The following CMIP variants were observed in gnomAD, a reference collection of about 807,000 sequenced individuals.
CMIP encodes the protein C-Maf-inducing protein.
In CMIP, 13 loss-of-function variants were observed where a neutral mutation model predicts 97.3. That is an observed-to-expected ratio of 0.13 (90% CI 0.09 to 0.21). The LOEUF is 0.21. Among genes scored for constraint, CMIP ranks in the 10% least tolerant of loss-of-function variants. The pLI is 1.00. For synonymous variants in CMIP, 538 were observed against 436.3 expected, an observed-to-expected ratio of 1.23 and a Z score of -2.91; for missense variants, 847 against 1,024.9, an observed-to-expected ratio of 0.83 and a Z score of 2.37.
intron 1 of CMIP, among the ~76,000 whole-genome samples, chr16:81,481,083 C>G (rs1227929010): frequency 1.3e-5 from 2 of 152,228 alleles, no homozygotes; most frequent in Non-Finnish European, 2.9e-5. Context: ...CCCTCAGCTG[C>G]ACATGGTTTG....
chr16:81,617,755 C>T (rs1330623304), intron 2 of CMIP, among the ~76,000 whole-genome samples: 4 of 152,324 alleles, frequency 2.6e-5, no homozygotes, highest in East Asian at 3.9e-4. Context: ...TAAGACCCTG[C>T]CCTCAAGGAA....
At chr16:81,695,073 G>A (rs1334261080) in intron 13 of CMIP, among the ~76,000 whole-genome samples, 1 of 152,216 alleles carries the variant, frequency 6.6e-6, no homozygotes, top group African/African-American at 2.4e-5. Context: ...TAGAGAGGCA[G>A]GGCCAGCTGC....
intron 3 of CMIP, chr16:81,645,376 C>T (rs2092352901): frequency 1.4e-6 from 2 of 1,456,018 alleles, no homozygotes; most frequent in East Asian, 5.1e-5. Context: ...GCGCGAGCCC[C>T]AGAGGCTGCG....
intron 16 of CMIP, 145 bp downstream of exon 16, chr16:81,701,945 C>A: frequency 1.1e-6 from 1 of 949,330 alleles, no homozygotes; most frequent in Non-Finnish European, 1.6e-6. Flanking sequence ...GGTATTACCA[C>A]CTGCCACTTT....
intron 3 of CMIP, among the ~76,000 whole-genome samples, chr16:81,628,095 C>T (rs1391135126): frequency 1.3e-5 from 2 of 152,116 alleles, no homozygotes; most frequent in African/African-American, 4.8e-5. Flanking sequence ...TCACTGAGGG[C>T]CATGCTAGAA....
At chr16:81,704,233 C>A (rs190435839) in intron 18 of CMIP, 148 bp downstream of exon 18, 1 of 474,728 alleles carries the variant, frequency 2.1e-6, no homozygotes, top group Non-Finnish European at 3.7e-6. Context: ...CTCCTCCCTG[C>A]CCCCCTTACT....
At chr16:81,447,271 T>G in intron 1 of CMIP, among the ~76,000 whole-genome samples, 1 of 145,270 alleles carries the variant, frequency 6.9e-6, no homozygotes. Flanking sequence ...CTCCACAAAA[T>G]GAAGGGTTGT....
At chr16:81,488,564 G>A (rs74393516) in intron 1 of CMIP, among the ~76,000 whole-genome samples, 8,957 of 152,184 alleles carry the variant, frequency 0.059, 321 homozygotes, top group Middle Eastern at 0.12. Flanking sequence ...GGATATATGC[G>A]TCTCCTGGGA....
chr16:81,619,032 C>T (rs1005078753), intron 2 of CMIP: 2 of 152,388 alleles, frequency 1.3e-5, no homozygotes, highest in Non-Finnish European at 2.9e-5. Context: ...GCCTCCGCAA[C>T]TCTGGGCAGG....
chr16:81,581,747 G>A (rs915428802), intron 1 of CMIP, among the ~76,000 whole-genome samples: 53 of 152,284 alleles, frequency 3.5e-4, no homozygotes, highest in African/African-American at 1.2e-3. Context: ...CACAGGGCAA[G>A]GGAACCACTT....
In CMIP at chr16:81,468,499, G is replaced by A. The variant is rs564545878; in HGVS notation, c.300+22958G>A. 3.4e-3 allele frequency among the ~76,000 whole-genome samples: 520 copies of A among 152,394 alleles called. 3 individuals are homozygous for A. The highest frequency in any genetic ancestry group is 0.012 in the African/African-American group (496 of 41,600). ...TGAGCAGATATGCCCCAGGCCTCTC[G>A]CAGGGGCCTGCGCGTGCCGTGCCCT... On this transcript the variant is annotated intron_variant, in intron 1 of 20. Coordinates refer to ENST00000537098, the MANE Select transcript of CMIP (RefSeq NM_198390.3).
At chr16:81,578,581 A>C (rs1597109898) in intron 1 of CMIP, among the ~76,000 whole-genome samples, 1 of 151,924 alleles carries the variant, frequency 6.6e-6, no homozygotes, top group Non-Finnish European at 1.5e-5. Flanking sequence ...GAATTTCCCC[A>C]CCCCTTCCTC....
chr16:81,703,794 C>T (rs1030899324), intron 17 of CMIP, 145 bp from the exon 18 acceptor site: 5 of 1,134,456 alleles, frequency 4.4e-6, no homozygotes, highest in South Asian at 3.1e-5. Flanking sequence ...CGAGCTGTGC[C>T]CCCATCTCAG....
rs368973213 is a variant in CMIP at position 81,586,724 on chromosome 16, C to T, written c.301-20843C>T. On this transcript the variant is annotated intron_variant, in intron 1 of 20. Transcript: ENST00000537098. ...ATTCGTCCCACTTTCCCTCGGGCTC[C>T]TCTGCCTCCACACCTGCACACATAC... 1.1e-3 allele frequency among the ~76,000 whole-genome samples: 163 copies of T among 152,336 alleles called. 1 individual carries two copies. The highest frequency in any genetic ancestry group is 3.5e-3 in the African/African-American group (146 of 41,578).
chr16:81,653,143 G>C (rs2092447257), intron 4 of CMIP, among the ~76,000 whole-genome samples: 1 of 152,176 alleles, frequency 6.6e-6, no homozygotes, highest in African/African-American at 2.4e-5. Flanking sequence ...TCGTTTATTT[G>C]CTCACCTGGC....
intron 1 of CMIP, among the ~76,000 whole-genome samples, chr16:81,511,388 G>A (rs753750826): frequency 6.6e-6 from 1 of 151,970 alleles, no homozygotes; most frequent in Non-Finnish European, 1.5e-5. Flanking sequence ...TTAAGATTCC[G>A]GACGTGGTCT....
At chr16:81,575,706 C>T (rs951096232) in intron 1 of CMIP, among the ~76,000 whole-genome samples, 1 of 152,120 alleles carries the variant, frequency 6.6e-6, no homozygotes, top group Non-Finnish European at 1.5e-5. Flanking sequence ...AGCATGTAAA[C>T]GTTGCGTGTT....
intron 1 of CMIP, among the ~76,000 whole-genome samples, chr16:81,537,111 A>G (rs1238871551): frequency 6.6e-6 from 1 of 152,236 alleles, no homozygotes; most frequent in Non-Finnish European, 1.5e-5. Context: ...AGGACCAGTC[A>G]TGGCAGAACT....
chr16:81,631,373 T>A (rs2092156640), intron 3 of CMIP: 1 of 152,250 alleles, frequency 6.6e-6, no homozygotes, highest in Non-Finnish European at 1.5e-5. Flanking sequence ...CCCACAGAGC[T>A]GCCACTTTGC....
Sources: allele counts gnomAD v4.1 joint callset (sites outside exome capture counted in the v4.1 genomes callset), GRCh38; gene constraint gnomAD v4.1.1; transcripts MANE v1.5; gene names NCBI Gene and HGNC (gene_info 2026-07-23, HGNC 2026-07-21).